RUSF1: variants seen among roughly 807,000 people sequenced by gnomAD.
RUSF1 encodes the protein RUS1 family protein C16orf58.
Under a neutral mutation model 63.0 loss-of-function variants are expected in RUSF1, and 58 were observed. The observed-to-expected ratio is 0.92, with a 90% CI of 0.75 to 1.15. The LOEUF (loss-of-function observed/expected upper bound fraction) is 1.15. Ranked by LOEUF, RUSF1 falls within the 50% of genes most tolerant of loss-of-function variation. The pLI is 0.00. For synonymous variants in RUSF1, 274 were observed against 255.8 expected, an observed-to-expected ratio of 1.07 and a Z score of -0.68; for missense variants, 652 against 611.0, an observed-to-expected ratio of 1.07 and a Z score of -0.71.
chr16:31,506,668 A>G (rs2082660544), intron 2 of RUSF1, among the ~76,000 whole-genome samples: 1 of 152,224 alleles, frequency 6.6e-6, no homozygotes, highest in Non-Finnish European at 1.5e-5. Context: ...CTGTAATCCC[A>G]GCTACTTGGG....
At chr16:31,504,522 G>GC (rs1187509882) in intron 2 of RUSF1, among the ~76,000 whole-genome samples, 2 of 151,900 alleles carry the variant, frequency 1.3e-5, no homozygotes, top group Non-Finnish European at 2.9e-5. Context: ...GCCGACCTTG[G>GC]CCCCCCATCC....
chr16:31,490,382 G>T lies in RUSF1; in HGVS notation c.*453C>A. 2 of 1,613,218 alleles carry T rather than the reference G, an allele frequency of 1.2e-6. No homozygotes were observed. The highest frequency in any genetic ancestry group is 1.7e-4 in the Middle Eastern group (1 of 6,038). On this transcript the variant is annotated 3_prime_UTR_variant, in exon 13 of 13. Transcript: ENST00000327237. ...TTTGTGGAATGAGCAGAGGTGGGGT[G>T]GGCAGTCCTCCGCCCCTTACCCAGG... is the stretch of plus-strand genomic sequence containing the variant.
At chr16:31,507,248 T>C (rs1409848436) in intron 2 of RUSF1, among the ~76,000 whole-genome samples, 2 of 152,174 alleles carry the variant, frequency 1.3e-5, no homozygotes, top group East Asian at 3.9e-4. Context: ...ACTGTATTTT[T>C]TTTCCTTAAA....
rs990730906 is a variant in RUSF1, at chr16:31,499,400, C to T, written c.502G>A (p.Ala168Thr). 1.2e-6 allele frequency: 2 copies of T among 1,613,756 alleles called. No individual in the cohort carries two copies. The highest frequency in any genetic ancestry group is 1.7e-6 in the Non-Finnish European group (2 of 1,179,920). The change falls in exon 5 of 13, where the codon GCG becomes ACG. Residue 168 changes from alanine to threonine, a missense_variant. Ala to Thr is a moderately conservative substitution (Grantham distance 58). Transcript: ENST00000327237. The part of the protein sequence containing the change: ...DCNAKQWRLF[A>T]DILNDVAMFL... ...ATGGCTACGTCATTGAGGATGTCCG[C>T]AAAAAGCCTGGGGAGGGATCAGAGG... is the stretch of plus-strand genomic sequence containing the variant.
At chr16:31,492,415 T>TC in intron 10 of RUSF1, 75 bp from the exon 11 acceptor site, 1 of 1,456,414 alleles carries the variant, frequency 6.9e-7, no homozygotes, top group Non-Finnish European at 9.0e-7. Flanking sequence ...TCACCCTGCT[T>TC]CCCCTGTCTG....
intron 9 of RUSF1, 33 bp downstream of exon 9, chr16:31,493,434 G>T (rs1352247833): frequency 1.3e-6 from 2 of 1,569,688 alleles, no homozygotes; most frequent in South Asian, 2.3e-5. Flanking sequence ...GTGGGTGGCG[G>T]TGGTGACGAG....
chr16:31,493,828 C>T, intron 7 of RUSF1, 38 bp downstream of exon 7: 2 of 1,614,168 alleles, frequency 1.2e-6, no homozygotes, highest in Non-Finnish European at 1.7e-6. Context: ...GGCAGAGGCC[C>T]AGCTGGGGTT....
intron 9 of RUSF1, 44 bp from the exon 10 acceptor site, chr16:31,493,092 G>A (rs1408018317): frequency 1.3e-6 from 2 of 1,593,104 alleles, no homozygotes; most frequent in East Asian, 2.2e-5. Context: ...GGACAGCAAA[G>A]GCAGGCATGC....
chr16:31,492,144 C>T, intron 11 of RUSF1, 53 bp downstream of exon 11: 1 of 1,612,610 alleles, frequency 6.2e-7, no homozygotes, highest in Non-Finnish European at 8.5e-7. Flanking sequence ...CAGAGTTTGT[C>T]CTCTCTCCTC....
intron 3 of RUSF1, among the ~76,000 whole-genome samples, chr16:31,500,200 G>A (rs780125337): frequency 4.6e-5 from 7 of 152,160 alleles, no homozygotes; most frequent in Non-Finnish European, 1.0e-4. Context: ...CATTAGGCCC[G>A]AGTCTCAGTA....
At position 31,490,209 on chromosome 16, in the gene RUSF1, G is replaced by C; in HGVS notation, c.*626C>G. The C allele has an allele frequency of 1.9e-6, 3 of 1,614,178 alleles. No individual in the cohort carries two copies. The highest frequency in any genetic ancestry group is 2.7e-5 in the African/African-American group (2 of 75,062). ...ACTCCCTGTACAGAATGGGTGCCCA[G>C]AGAGTGCCATGGAGATGAATGGTAG... On this transcript the variant is annotated 3_prime_UTR_variant, in exon 13 of 13. Coordinates refer to ENST00000327237, the MANE Select transcript of RUSF1 (RefSeq NM_022744.4).
chr16:31,498,260 T>C (rs909262545), intron 5 of RUSF1, among the ~76,000 whole-genome samples: 1 of 152,000 alleles, frequency 6.6e-6, no homozygotes, highest in Non-Finnish European at 1.5e-5. Flanking sequence ...GTTGGACAGA[T>C]GAAGAGACTG....
At chr16:31,493,385 T>C in intron 9 of RUSF1, 82 bp downstream of exon 9, 3 of 1,504,930 alleles carry the variant, frequency 2.0e-6, no homozygotes, top group South Asian at 1.2e-5. Context: ...AGGTGGGGCC[T>C]TGCCAGGGAG....
At chr16:31,493,080 G>A in intron 9 of RUSF1, 32 bp from the exon 10 acceptor site, 1 of 1,607,442 alleles carries the variant, frequency 6.2e-7, no homozygotes, top group Non-Finnish European at 8.5e-7. Context: ...AGTGGGGGTG[G>A]AGGACAGCAA....
Position 31,508,345 on chromosome 16 carries a change from G to T in RUSF1, c.29C>A (p.Pro10Gln). MADDAGLET[P>Q]LCSEQFGSGE... The stretch of plus-strand genomic sequence containing the variant: ...GGAGCCGAACTGCTCGGAACACAGC[G>T]GGGTCTCCAAACCCGCGTCGTCAGC... Residue 10 changes from proline (P) to glutamine (Q), a missense_variant, in exon 1 of 13, where the codon CCG becomes CAG. By Grantham distance (76) the Pro-to-Gln change is moderately conservative. Coordinates refer to ENST00000327237, the MANE Select transcript of RUSF1 (RefSeq NM_022744.4). 6.4e-7 allele frequency: 1 copy of T among 1,553,608 alleles called. No individual in the cohort carries two copies. The highest frequency in any genetic ancestry group is 8.6e-7 in the Non-Finnish European group (1 of 1,160,380).
At chr16:31,493,359 A>G in intron 9 of RUSF1, 108 bp downstream of exon 9, 1 of 1,388,708 alleles carries the variant, frequency 7.2e-7, no homozygotes, top group Non-Finnish European at 1.0e-6. Flanking sequence ...GCAGCAATGA[A>G]GAACCCAGGA....
intron 5 of RUSF1, among the ~76,000 whole-genome samples, chr16:31,498,740 G>A (rs191997641): frequency 1.7e-4 from 26 of 152,222 alleles, no homozygotes; most frequent in Admixed American, 1.6e-3. Context: ...ACCTTAAGCT[G>A]TGCTGTTTCT....
At chr16:31,491,925 G>T in intron 12 of RUSF1, 84 bp downstream of exon 12, 1 of 1,405,092 alleles carries the variant, frequency 7.1e-7, no homozygotes, top group Non-Finnish European at 1.0e-6. Context: ...TTACCTTTCA[G>T]GTGAAAGGGT....
chr16:31,493,741 C>A lies in RUSF1; in HGVS notation c.820G>T (p.Ala274Ser), dbSNP rs775036191. Residue 274 changes from alanine (A) to serine (S), a missense_variant, in exon 8 of 13, where the codon GCC (alanine) becomes TCC (serine). Transcript: ENST00000327237. ...AGGGCTCGGACCGCGCGGTAGTTGG[C>A]GTAGATGTGGAGGGCAGTGAGGAAG... ...FFFLTALHIY[A>S]NYRAVRALVM... The A allele has an allele frequency of 1.2e-6, 2 of 1,614,178 alleles. No homozygotes were observed. Among genetic ancestry groups the A allele is most frequent in the African/African-American group, 2.7e-5 (2 of 75,030 alleles).
Sources: gnomAD v4.1 joint callset for allele counts (sites outside exome capture counted in the v4.1 genomes callset) on GRCh38, gnomAD v4.1.1 for gene constraint, MANE v1.5 for transcripts, NCBI Gene and HGNC (gene_info 2026-07-23, HGNC 2026-07-21) for gene names.